The following CTNND2 variants were observed in gnomAD, a reference collection of about 807,000 sequenced individuals.
CTNND2 encodes the protein catenin delta-2.
CTNND2 carries 22 observed loss-of-function variants against 144.4 expected under a neutral mutation model. The ratio of observed to expected loss-of-function variants is 0.15; its 90% confidence interval spans 0.11 to 0.22. The LOEUF is 0.22. Ranked by LOEUF, CTNND2 falls within the 10% of genes least tolerant of loss-of-function variation. The pLI, the probability that CTNND2 is intolerant of heterozygous loss-of-function variation, is 1.00. For missense variants in CTNND2, 1,353 were observed against 1,618.8 expected, an observed-to-expected ratio of 0.84 and a Z score of 2.82; for synonymous variants, 751 against 695.6, an observed-to-expected ratio of 1.08 and a Z score of -1.25.
intron 16 of CTNND2, among the ~76,000 whole-genome samples, chr5:11,045,356 G>A (rs1745125662): frequency 6.6e-6 from 1 of 152,074 alleles, no homozygotes; most frequent in Admixed American, 6.5e-5. Context: ...TACGGGGAGA[G>A]AAGGATGCAA....
chr5:11,040,556 A>C (rs1191896218), intron 16 of CTNND2, among the ~76,000 whole-genome samples: 1 of 152,218 alleles, frequency 6.6e-6, no homozygotes, highest in Non-Finnish European at 1.5e-5. Context: ...AAATTCTCAC[A>C]CTGTTGAAGT....
intron 11 of CTNND2, among the ~76,000 whole-genome samples, chr5:11,179,747 G>T (rs947211164): frequency 6.6e-6 from 1 of 152,004 alleles, no homozygotes; most frequent in African/African-American, 2.4e-5. Flanking sequence ...GATAACCCTG[G>T]ATATTATATA....
chr5:11,081,605 C>T (rs1749579958), intron 16 of CTNND2, among the ~76,000 whole-genome samples: 2 of 152,182 alleles, frequency 1.3e-5, no homozygotes, highest in African/African-American at 2.4e-5. Context: ...TTTTGGACTT[C>T]TGGATTAGGG....
intron 11 of CTNND2, among the ~76,000 whole-genome samples, chr5:11,195,526 C>T (rs1041036815): frequency 3.3e-5 from 5 of 151,978 alleles, no homozygotes; most frequent in African/African-American, 9.7e-5. Context: ...TAATGATGCC[C>T]GAAATGAAGG....
Position 11,036,495 on chromosome 5 carries a change from G to A in CTNND2, c.2789-13516C>T, listed in dbSNP as rs535338424. The stretch of plus-strand genomic sequence containing the variant: ...GAGTGCAATGGCACGATCTTGGCTC[G>A]CTGCAACCTCTGCCTCCTGCGTTCA... On this transcript the variant is annotated intron_variant, in intron 16 of 21. Coordinates refer to ENST00000304623, the MANE Select transcript of CTNND2 (RefSeq NM_001332.4). 7.0e-4 allele frequency among the ~76,000 whole-genome samples: 106 copies of A among 151,850 alleles called. 1 individual carries two copies. Among genetic ancestry groups the A allele is most frequent in the Admixed American group, 1.2e-3 (19 of 15,256 alleles).
intron 10 of CTNND2, among the ~76,000 whole-genome samples, chr5:11,212,492 G>A (rs1561029522): frequency 6.6e-6 from 1 of 152,214 alleles, no homozygotes; most frequent in Non-Finnish European, 1.5e-5. Flanking sequence ...TCAGGGAAAG[G>A]ACAGGCATCA....
At chr5:11,197,042 G>A (rs1002182540) in intron 11 of CTNND2, among the ~76,000 whole-genome samples, 2 of 152,270 alleles carry the variant, frequency 1.3e-5, no homozygotes, top group African/African-American at 2.4e-5. Context: ...AACTCAGAAG[G>A]CTTTGTCTAG....
chr5:11,771,217 A>C (rs1454422351), intron 1 of CTNND2, among the ~76,000 whole-genome samples: 1 of 55,378 alleles, frequency 1.8e-5, no homozygotes, highest in Non-Finnish European at 3.0e-5. Context: ...TTTGGGATGG[A>C]GTCTCGCCCT....
At chr5:11,232,232 G>A (rs1741110250) in intron 10 of CTNND2, among the ~76,000 whole-genome samples, 1 of 152,228 alleles carries the variant, frequency 6.6e-6, no homozygotes, top group Non-Finnish European at 1.5e-5. Flanking sequence ...GTCCCCACTG[G>A]GGCACTGCCT....
intron 3 of CTNND2, among the ~76,000 whole-genome samples, chr5:11,562,360 A>G (rs1386651863): frequency 6.6e-6 from 1 of 152,166 alleles, no homozygotes; most frequent in Non-Finnish European, 1.5e-5. Flanking sequence ...TTAGTCTATC[A>G]CCTTTAATGA....
At chr5:11,839,352 T>G (rs1448448208) in intron 1 of CTNND2, among the ~76,000 whole-genome samples, 1 of 152,126 alleles carries the variant, frequency 6.6e-6, no homozygotes, top group Non-Finnish European at 1.5e-5. Context: ...GTCATCAAAC[T>G]TAGGTTCATC....
chr5:11,317,531 C>T (rs1751636027), intron 9 of CTNND2, among the ~76,000 whole-genome samples: 1 of 152,182 alleles, frequency 6.6e-6, no homozygotes, highest in Non-Finnish European at 1.5e-5. Flanking sequence ...AGGTGTCCCA[C>T]TATGGTACTT....
intron 2 of CTNND2, among the ~76,000 whole-genome samples, chr5:11,630,278 G>T (rs1030498248): frequency 1.1e-4 from 16 of 152,130 alleles, no homozygotes; most frequent in Non-Finnish European, 1.9e-4. Context: ...ACATCTCCTT[G>T]TGATCTGCAG....
chr5:11,594,286 T>C (rs1338626172), intron 2 of CTNND2, among the ~76,000 whole-genome samples: 2 of 152,214 alleles, frequency 1.3e-5, no homozygotes, highest in Non-Finnish European at 2.9e-5. Context: ...CAAGCTGCAT[T>C]TGCTGGAATA....
In CTNND2 at chr5:11,453,778, CT is replaced by C. The variant is rs201563165; in HGVS notation, c.288-41710del. ...TCAGATAAAGATGTAACATGAATCTCTTTTTTTTTTGTGCATGTACACTTGT... is the reference window on the plus strand; with the variant it reads ...TCAGATAAAGATGTAACATGAATCTCTTTTTTTTTGTGCATGTACACTTGT... On this transcript the variant is annotated intron_variant, in intron 3 of 21. Coordinates refer to ENST00000304623, the MANE Select transcript of CTNND2 (RefSeq NM_001332.4). Among the ~76,000 whole-genome samples, 32 of 149,202 alleles carry C rather than the reference CT, an allele frequency of 2.1e-4. 1 individual carries two copies. Among genetic ancestry groups the C allele is most frequent in the East Asian group, 2.0e-3 (10 of 5,078 alleles).
chr5:11,445,844 T>C (rs1360371863), intron 3 of CTNND2, among the ~76,000 whole-genome samples: 1 of 152,216 alleles, frequency 6.6e-6, no homozygotes, highest in African/African-American at 2.4e-5. Flanking sequence ...TAAAGTAAAA[T>C]GTCAGTTTGA....
At chr5:11,197,624 C>T (rs938601220) in intron 11 of CTNND2, among the ~76,000 whole-genome samples, 2 of 152,064 alleles carry the variant, frequency 1.3e-5, no homozygotes, top group African/African-American at 4.8e-5. Flanking sequence ...CTGATGTTGC[C>T]CAGGCACACG....
chr5:11,757,203 A>G (rs1204019432), intron 1 of CTNND2, among the ~76,000 whole-genome samples: 2 of 149,008 alleles, frequency 1.3e-5, no homozygotes, highest in African/African-American at 2.4e-5. Flanking sequence ...ACACACACAC[A>G]TAACAAAAAT....
chr5:11,385,128 GA>G lies in CTNND2; in HGVS notation c.713del (p.Phe238SerfsTer94). Reference sequence around the variant, plus strand: ...CGGCGGGCGGCGCGTCGGGCAGGTGGAAGGCGCTGCCCAGGCTGGGCGCGAA... The same window carrying G: ...CGGCGGGCGGCGCGTCGGGCAGGTGGAGGCGCTGCCCAGGCTGGGCGCGAA... ...EPFAPSLGSA[F>X]HLPDAPPAAA... On this transcript the variant is annotated frameshift_variant, in exon 7 of 22. Transcript: ENST00000304623. LOFTEE classifies it high-confidence loss of function. 2.0e-6 allele frequency: 2 copies of G among 1,019,292 alleles called. No individual in the cohort carries two copies. The highest frequency in any genetic ancestry group is 4.1e-5 in the South Asian group (1 of 24,610). 63.1% of individuals were successfully genotyped at this position (1,019,292 alleles called of 1,614,324 possible).
Sources: gnomAD v4.1 joint callset for allele counts (sites outside exome capture counted in the v4.1 genomes callset) on GRCh38, gnomAD v4.1.1 for gene constraint, MANE v1.5 for transcripts, NCBI Gene and HGNC (gene_info 2026-07-23, HGNC 2026-07-21) for gene names.